Variants in PCDHA2 observed in about 807,000 individuals in gnomAD.
PCDHA2 encodes protocadherin alpha 2.
In PCDHA2, 58 loss-of-function variants were observed where a neutral mutation model predicts 66.0. The observed-to-expected ratio is 0.88, with a 90% CI of 0.71 to 1.09. The LOEUF (loss-of-function observed/expected upper bound fraction) is 1.09, where lower values mean the gene tolerates loss of function less well. Ranked by LOEUF, PCDHA2 falls within the 50% of genes least tolerant of loss-of-function variation. The pLI, the probability that PCDHA2 is intolerant of heterozygous loss-of-function variation, is 0.00. For missense variants in PCDHA2, 1,267 were observed against 1,242.3 expected, an observed-to-expected ratio of 1.02 and a Z score of -0.30; for synonymous variants, 634 against 554.0, an observed-to-expected ratio of 1.14 and a Z score of -2.03.
chr5:140,989,788 G>GC (rs1331311072), intron 3 of PCDHA2, among the ~76,000 whole-genome samples: 30 of 152,276 alleles, frequency 2.0e-4, no homozygotes, highest in African/African-American at 4.6e-4. Context: ...GAGACTAGAG[G>GC]CCCCCAGGAA....
chr5:140,960,402 G>C (rs2095546836), intron 1 of PCDHA2, among the ~76,000 whole-genome samples: 1 of 152,026 alleles, frequency 6.6e-6, no homozygotes, highest in African/African-American at 2.4e-5. Flanking sequence ...GCAAGGGGGG[G>C]TGCCCAAAAA....
intron 1 of PCDHA2, chr5:140,876,669 C>T: frequency 6.2e-7 from 1 of 1,614,186 alleles, no homozygotes; most frequent in Non-Finnish European, 8.5e-7. Context: ...AGCTGGTGTC[C>T]ACCTACAAGA....
chr5:140,877,173 G>A (rs1292615979), intron 1 of PCDHA2: 3 of 1,613,710 alleles, frequency 1.9e-6, no homozygotes, highest in Non-Finnish European at 2.5e-6. Flanking sequence ...CACTGCTGGC[G>A]ACTCCGGCTG....
chr5:140,928,821 C>T, intron 1 of PCDHA2: 2 of 1,614,142 alleles, frequency 1.2e-6, no homozygotes, highest in Non-Finnish European at 1.7e-6. Context: ...ACCATGGAGA[C>T]CCACCACTTT....
chr5:140,848,734 A>G lies in PCDHA2; in HGVS notation c.2388+51382A>G, dbSNP rs199690069. The G allele has an allele frequency of 6.3e-7, 1 of 1,592,886 alleles. No homozygotes were observed. Among genetic ancestry groups the G allele is most frequent in the Non-Finnish European group, 8.6e-7 (1 of 1,163,642 alleles). The stretch of plus-strand genomic sequence containing the variant: ...GGGGACCTTCTGGAGGTAAATCTGC[A>G]GAATGGCATTTTGTTTGTGAATTCT... On this transcript the variant is annotated intron_variant, in intron 1 of 3. Transcript: ENST00000526136.
intron 1 of PCDHA2, chr5:140,926,987 G>T: frequency 6.2e-7 from 1 of 1,610,996 alleles, no homozygotes; most frequent in African/African-American, 1.3e-5. Context: ...GAGACGGAGC[G>T]GGGCGTAGCC....
chr5:140,846,501 A>G (rs1780515725), intron 1 of PCDHA2, among the ~76,000 whole-genome samples: 1 of 146,172 alleles, frequency 6.8e-6, no homozygotes. Flanking sequence ...CAGCCTCCCA[A>G]GTAGCTGGGA....
chr5:140,834,369 A>T (rs2150215931), intron 1 of PCDHA2: 162 of 1,556,736 alleles, frequency 1.0e-4, no homozygotes, highest in Non-Finnish European at 1.3e-4. Flanking sequence ...TAGAAAAACA[A>T]GCCAATAATT....
intron 1 of PCDHA2, among the ~76,000 whole-genome samples, chr5:140,800,569 G>T (rs782336305): frequency 1.3e-5 from 2 of 152,134 alleles, no homozygotes; most frequent in African/African-American, 2.4e-5. Flanking sequence ...TGTAACTTGG[G>T]TGGTAAAGAG....
At chr5:140,984,339 A>G (rs956761683) in intron 3 of PCDHA2, among the ~76,000 whole-genome samples, 2 of 152,246 alleles carry the variant, frequency 1.3e-5, no homozygotes, top group Non-Finnish European at 2.9e-5. Context: ...AATAGGAACC[A>G]TGTATTGATA....
At position 140,924,416 on chromosome 5, in the gene PCDHA2, T is replaced by A. The variant is rs1283567998; in HGVS notation, c.2389-54533T>A. 1.3e-5 allele frequency among the ~76,000 whole-genome samples: 2 copies of A among 152,192 alleles called. 1 individual carries two copies. The highest frequency in any genetic ancestry group is 4.1e-4 in the South Asian group (2 of 4,830). ...TATTGCCTTATATCACAGTGTGCCC[T>A]TTCTAGTTCCCTAGAAGAGATAACG... is the stretch of plus-strand genomic sequence containing the variant. On this transcript the variant is annotated intron_variant, in intron 1 of 3. Coordinates refer to ENST00000526136, the MANE Select transcript of PCDHA2 (RefSeq NM_018905.3).
intron 1 of PCDHA2, chr5:140,930,019 T>G (rs1454076883): frequency 6.6e-6 from 1 of 152,222 alleles, no homozygotes; most frequent in Non-Finnish European, 1.5e-5. Context: ...GATAGCTCCA[T>G]AGCAGTGTTT....
chr5:140,844,185 T>G (rs1554140558), intron 1 of PCDHA2, among the ~76,000 whole-genome samples: 2 of 149,886 alleles, frequency 1.3e-5, no homozygotes, highest in Non-Finnish European at 3.0e-5. Flanking sequence ...TTTATTCATC[T>G]TATCTGACTT....
At chr5:140,884,487 T>G (rs374963144) in intron 1 of PCDHA2, 3 of 1,613,832 alleles carry the variant, frequency 1.9e-6, no homozygotes, top group Non-Finnish European at 1.7e-6. Flanking sequence ...CCCACTCTAG[T>G]GTGCTCCAGC....
At chr5:140,901,469 G>A (rs1056054450) in intron 1 of PCDHA2, among the ~76,000 whole-genome samples, 1 of 152,080 alleles carries the variant, frequency 6.6e-6, no homozygotes, top group African/African-American at 2.4e-5. Flanking sequence ...CTTTTCTCGA[G>A]TTTATGTTCT....
Position 140,873,523 on chromosome 5 carries a change from G to A in PCDHA2, c.2388+76171G>A, listed in dbSNP as rs1371984958. 2.0e-5 allele frequency among the ~76,000 whole-genome samples: 3 copies of A among 152,090 alleles called. No homozygotes were observed. In the East Asian group the frequency reaches 5.8e-4, roughly 29 times the overall value. ...GTCTTTTATACTTAATGCCAAGATTGCATTCTATGGTATAAAATTATAATT... is the reference window on the plus strand; with the variant it reads ...GTCTTTTATACTTAATGCCAAGATTACATTCTATGGTATAAAATTATAATT... On this transcript the variant is annotated intron_variant, in intron 1 of 3. Transcript: ENST00000526136.
chr5:140,886,730 G>A (rs2061105749), intron 1 of PCDHA2, among the ~76,000 whole-genome samples: 1 of 150,962 alleles, frequency 6.6e-6, no homozygotes, highest in Non-Finnish European at 1.5e-5. Flanking sequence ...GGAGGCTGAA[G>A]CAAGAGAATT....
At chr5:140,933,003 G>A (rs1466484630) in intron 1 of PCDHA2, among the ~76,000 whole-genome samples, 5 of 151,902 alleles carry the variant, frequency 3.3e-5, no homozygotes, top group East Asian at 1.9e-4. Flanking sequence ...TATGAATATC[G>A]GAAATATTAA....
chr5:140,928,642 G>A (rs2085397273), intron 1 of PCDHA2: 2 of 1,614,114 alleles, frequency 1.2e-6, no homozygotes, highest in Non-Finnish European at 8.5e-7. Flanking sequence ...CACAAAAGTG[G>A]TAGCAGAGGA....
Sources: allele counts gnomAD v4.1 joint callset (sites outside exome capture counted in the v4.1 genomes callset), GRCh38; gene constraint gnomAD v4.1.1; transcripts MANE v1.5; gene names NCBI Gene and HGNC (gene_info 2026-07-23, HGNC 2026-07-21).